The following DLC1 variants were observed in gnomAD, a reference collection of about 807,000 sequenced individuals.
DLC1 encodes rho GTPase-activating protein 7.
A neutral mutation model predicts 140.3 loss-of-function variants in DLC1; 54 were observed. The ratio of observed to expected loss-of-function variants is 0.38; its 90% CI spans 0.31 to 0.48. The LOEUF (loss-of-function observed/expected upper bound fraction) is 0.48, where lower values mean the gene tolerates loss of function less well. DLC1 is among the 20% of genes least tolerant of loss of function. The pLI is 0.96. For synonymous variants in DLC1, 986 were observed against 728.1 expected (o/e 1.35, Z -5.70); for missense variants, 2,536 against 1,907.0 (o/e 1.33, Z -6.14).
intron 4 of DLC1, among the ~76,000 whole-genome samples, chr8:13,327,418 C>T (rs1029047919): frequency 7.2e-5 from 11 of 151,754 alleles, no homozygotes; most frequent in African/African-American, 2.2e-4. Context: ...TGTTTTGTGC[C>T]CATACTTATT....
intron 4 of DLC1, among the ~76,000 whole-genome samples, chr8:13,378,162 G>A (rs1175785199): frequency 1.3e-4 from 18 of 136,800 alleles, no homozygotes; most frequent in African/African-American, 4.8e-4. Flanking sequence ...CATGTGCCAT[G>A]CATATGTAAC....
chr8:13,544,578 G>T (rs1277229441), intron 1 of DLC1, among the ~76,000 whole-genome samples: 1 of 152,088 alleles, frequency 6.6e-6, no homozygotes, highest in Non-Finnish European at 1.5e-5. Flanking sequence ...AGCAGCTGGG[G>T]CTGCTCCATT....
intron 5 of DLC1, among the ~76,000 whole-genome samples, chr8:13,259,799 T>G (rs1007257479): frequency 8.7e-6 from 1 of 115,510 alleles, no homozygotes; most frequent in Non-Finnish European, 1.9e-5. Context: ...CAGATGGGTT[T>G]TTTTTTTTCT....
At chr8:13,368,751 C>G (rs934730234) in intron 4 of DLC1, among the ~76,000 whole-genome samples, 1 of 152,122 alleles carries the variant, frequency 6.6e-6, no homozygotes, top group Admixed American at 6.5e-5. Context: ...CTAGAATAAA[C>G]AAGTTTCTTC....
At chr8:13,427,657 C>G (rs1838654597) in intron 2 of DLC1, among the ~76,000 whole-genome samples, 1 of 152,114 alleles carries the variant, frequency 6.6e-6, no homozygotes, top group Non-Finnish European at 1.5e-5. Context: ...ATCCCACTTC[C>G]CGTGGAATTA....
chr8:13,244,961 C>T (rs1829703045), intron 5 of DLC1, among the ~76,000 whole-genome samples: 1 of 152,188 alleles, frequency 6.6e-6, no homozygotes, highest in South Asian at 2.1e-4. Flanking sequence ...AGAACAAATG[C>T]TGGAAATTCT....
intron 3 of DLC1, among the ~76,000 whole-genome samples, chr8:13,396,304 C>G (rs1298313252): frequency 6.6e-6 from 1 of 152,128 alleles, no homozygotes; most frequent in African/African-American, 2.4e-5. Context: ...CGTGATCCGT[C>G]CGTCTCAGCC....
chr8:13,130,667 G>A (rs148174768), intron 5 of DLC1, among the ~76,000 whole-genome samples: 169 of 152,312 alleles, frequency 1.1e-3, no homozygotes, highest in Non-Finnish European at 2.1e-3. Flanking sequence ...TTTAAGGAAT[G>A]AGTGGTGTTT....
intron 1 of DLC1, chr8:13,567,277 TCTAA>T: frequency 1.9e-6 from 3 of 1,551,576 alleles, no homozygotes; most frequent in Non-Finnish European, 2.6e-6. Context: ...GCTCAAAGAC[TCTAA>T]CTTTGAACGG....
At chr8:13,476,322 T>C (rs569039431) in intron 2 of DLC1, among the ~76,000 whole-genome samples, 7 of 152,294 alleles carry the variant, frequency 4.6e-5, no homozygotes, top group African/African-American at 1.4e-4. Flanking sequence ...AAAATCTGGA[T>C]TGAGGTTTTG....
Position 13,088,624 on chromosome 8 carries a change from T to G in DLC1, c.4155A>C (p.Leu1385=). ...CATCCCAGAGGTGCTGTTCTTTAAG[T>G]AGGCGCTTTAAGATTTCCTCTGGCA... ...PAVPEEILKR[L]LKEQHLWDVD... Residue 1385 remains leucine (L), a synonymous_variant, in exon 16 of 18, where the codon CTA becomes CTC. Transcript: ENST00000276297. The G allele has an allele frequency of 1.2e-6, 2 of 1,614,182 alleles. No homozygotes were observed. Among genetic ancestry groups the G allele is most frequent in the Non-Finnish European group, 1.7e-6 (2 of 1,180,040 alleles).
At chr8:13,527,268 A>G (rs1802946167) in intron 1 of DLC1, among the ~76,000 whole-genome samples, 1 of 152,216 alleles carries the variant, frequency 6.6e-6, no homozygotes, top group South Asian at 2.1e-4. Context: ...CTGTATTCCT[A>G]GTATGCTAAG....
chr8:13,415,653 C>T (rs1027906652), intron 2 of DLC1, among the ~76,000 whole-genome samples: 11 of 152,208 alleles, frequency 7.2e-5, no homozygotes, highest in African/African-American at 2.6e-4. Context: ...CCTGCCTTGG[C>T]CTCTCAAAGT....
intron 16 of DLC1, among the ~76,000 whole-genome samples, chr8:13,088,145 C>T (rs1269744064): frequency 6.6e-6 from 1 of 152,186 alleles, no homozygotes; most frequent in Non-Finnish European, 1.5e-5. Context: ...CAGTGGCATG[C>T]TCACAGCTCA....
At chr8:13,510,562 T>C (rs1585226604) in intron 1 of DLC1, among the ~76,000 whole-genome samples, 1 of 152,304 alleles carries the variant, frequency 6.6e-6, no homozygotes, top group East Asian at 1.9e-4. Flanking sequence ...AATCCCATAC[T>C]TTACTAATAA....
chr8:13,374,419 A>T (rs1374220270), intron 4 of DLC1, among the ~76,000 whole-genome samples: 1 of 152,152 alleles, frequency 6.6e-6, no homozygotes, highest in Non-Finnish European at 1.5e-5. Context: ...ATTTTATAAT[A>T]TGGTGGAAGG....
chr8:13,450,899 C>T (rs1322926277), intron 2 of DLC1, among the ~76,000 whole-genome samples: 1 of 151,356 alleles, frequency 6.6e-6, no homozygotes, highest in African/African-American at 2.4e-5. Flanking sequence ...ATTAGCTGGG[C>T]ATGGTGGCCT....
At chr8:13,537,496 C>T (rs930888390) in intron 1 of DLC1, among the ~76,000 whole-genome samples, 2 of 152,066 alleles carry the variant, frequency 1.3e-5, no homozygotes, top group African/African-American at 4.8e-5. Context: ...GAATCAATCT[C>T]AAGTCTTAAG....
At chr8:13,282,193 A>G (rs1404321731) in intron 5 of DLC1, among the ~76,000 whole-genome samples, 1 of 152,182 alleles carries the variant, frequency 6.6e-6, no homozygotes, top group African/African-American at 2.4e-5. Context: ...GGCCATTTTA[A>G]TGCTTTCGTC....
Sources: gnomAD v4.1 joint callset for allele counts (sites outside exome capture counted in the v4.1 genomes callset) on GRCh38, gnomAD v4.1.1 for gene constraint, MANE v1.5 for transcripts, NCBI Gene and HGNC (gene_info 2026-07-23, HGNC 2026-07-21) for gene names.